CD163L1: variants seen among roughly 807,000 people sequenced by gnomAD.
The protein encoded by CD163L1 is CD163 molecule like 1.
CD163L1 carries 124 observed loss-of-function variants against 165.4 expected under a neutral mutation model. The observed-to-expected ratio is 0.75, with a 90% CI of 0.65 to 0.87. The LOEUF is 0.87. CD163L1 is among the 40% of genes least tolerant of loss of function. The probability of loss-of-function intolerance (pLI) is 0.00; values close to 1 mark genes in which losing one functional copy is unlikely to be tolerated. For missense variants in CD163L1, 1,525 were observed against 1,799.9 expected, an observed-to-expected ratio of 0.85 and a Z score of 2.76; for synonymous variants, 585 against 662.2, an observed-to-expected ratio of 0.88 and a Z score of 1.79.
At chr12:7,325,254 A>G in the CD163L1 span, among the ~76,000 whole-genome samples, 1 of 152,390 alleles carries the variant, frequency 6.6e-6, no homozygotes, top group East Asian at 1.9e-4. Context: ...AGTTACTAAA[A>G]AGGAGGAACA....
At chr12:7,391,325 G>A (rs749176941) in intron 8 of CD163L1, among the ~76,000 whole-genome samples, 13 of 152,140 alleles carry the variant, frequency 8.5e-5, no homozygotes, top group Non-Finnish European at 1.6e-4. Flanking sequence ...CCAAAGGATC[G>A]CACCTCCCCA....
downstream of CD163L1, among the ~76,000 whole-genome samples, chr12:7,354,486 G>A (rs1257199359): frequency 1.3e-5 from 2 of 152,102 alleles, no homozygotes; most frequent in Non-Finnish European, 2.9e-5. Context: ...ACACTAATTT[G>A]AACTACAAGA....
the CD163L1 span, among the ~76,000 whole-genome samples, chr12:7,336,373 C>T: frequency 6.6e-6 from 1 of 151,906 alleles, no homozygotes; most frequent in South Asian, 2.1e-4. Context: ...ATGGATGAAG[C>T]TGGAAGCCAT....
Position 7,396,572 on chromosome 12 carries a change from A to G in CD163L1, c.1730-157T>C, listed in dbSNP as rs889989359. Among the ~76,000 whole-genome samples, 5 of 152,222 alleles carry G rather than the reference A, an allele frequency of 3.3e-5. No homozygotes were observed. In the South Asian group the frequency reaches 6.2e-4, roughly 19 times the overall value. ...AGATGTGATTAACCTTTAAATTAGC[A>G]GACTTTGAGTACAGCCAATTATCCT... On this transcript the variant is annotated intron_variant, in intron 7 of 19. Coordinates refer to ENST00000313599, the MANE Select transcript of CD163L1 (RefSeq NM_174941.6).
In CD163L1 at chr12:7,406,609, A is replaced by G. The variant is rs1948019875; in HGVS notation, c.1010T>C (p.Phe337Ser). The change falls in exon 5 of 20, where the codon TTT becomes TCT. Residue 337 changes from phenylalanine (F) to serine (S), a missense_variant. Coordinates refer to ENST00000313599, the MANE Select transcript of CD163L1 (RefSeq NM_174941.6). ...TCCGGAATGTCTGCAGTCCCAAAGA[A>G]AAGATTCATTACCGGAGCAGGAGAC... ...DGVSCSGNES[F>S]LWDCRHSGTV... 1 of 1,614,068 alleles carries G rather than the reference A, an allele frequency of 6.2e-7. No individual in the cohort carries two copies.
intron 1 of CD163L1, among the ~76,000 whole-genome samples, chr12:7,442,319 G>C (rs1389740023): frequency 6.6e-6 from 1 of 152,170 alleles, no homozygotes; most frequent in African/African-American, 2.4e-5. Flanking sequence ...AGAAGGAACA[G>C]TACCCATCGG....
intron 13 of CD163L1, among the ~76,000 whole-genome samples, 164 bp from the exon 14 acceptor site, chr12:7,373,804 G>T (rs1019333214): frequency 1.3e-5 from 2 of 152,198 alleles, no homozygotes; most frequent in African/African-American, 4.8e-5. Flanking sequence ...GAAACTAAGG[G>T]TCTTGTAAGA....
At chr12:7,403,961 T>G in intron 5 of CD163L1, 106 bp from the exon 6 acceptor site, 1 of 765,924 alleles carries the variant, frequency 1.3e-6, no homozygotes, top group Non-Finnish European at 2.0e-6. Context: ...ATCCTTCACA[T>G]ACTGAGAAAA....
chr12:7,368,840 T>C lies in CD163L1; in HGVS notation c.4072+93A>G, dbSNP rs1373126741. On this transcript the variant is annotated intron_variant, in intron 16 of 19. Transcript: ENST00000313599. This position sits in a 1 kb window ranked among gnomAD's most constrained non-coding sequence, Gnocchi z 4.3. Reference sequence around the variant, plus strand: ...AGACTCATATTTCTGCAGTCCCCAGTCTTCTTTGATTATCATAGCAGTTTC... The same window carrying C: ...AGACTCATATTTCTGCAGTCCCCAGCCTTCTTTGATTATCATAGCAGTTTC... The C allele has an allele frequency of 1.4e-6, 2 of 1,391,224 alleles. No homozygotes were observed. Among genetic ancestry groups the C allele is most frequent in the African/African-American group, 2.9e-5 (2 of 70,146 alleles). The allele number at this position is 1,391,224 out of a possible 1,614,324, so 86.2% of individuals were successfully genotyped here.
rs746003177 is a variant in CD163L1 at position 7,369,473 on chromosome 12, A to G, written c.3923T>C (p.Ile1308Thr). ...TTTGCACCGCATGTCATCCAACCAG[A>G]TGGTTCCAGTTCCCTGGCCAAACGA... The part of the protein sequence containing the change: ...DASFGQGTGT[I>T]WLDDMRCKGN... Residue 1308 changes from isoleucine (I) to threonine (T), a missense_variant, in exon 15 of 20, where the codon ATC (isoleucine) becomes ACC (threonine). Transcript: ENST00000313599. The surrounding 1 kb of genome is among the most constrained non-coding windows in gnomAD (Gnocchi z 4.9). 1.9e-6 allele frequency: 3 copies of G among 1,614,036 alleles called. No individual in the cohort carries two copies. In the African/African-American group the frequency reaches 4.0e-5, roughly 22 times the overall value.
the CD163L1 span, among the ~76,000 whole-genome samples, chr12:7,322,924 C>A: frequency 6.6e-6 from 1 of 152,080 alleles, no homozygotes; most frequent in African/African-American, 2.4e-5. Context: ...GCCCTCAAAC[C>A]AAGCAACATC....
the CD163L1 span, among the ~76,000 whole-genome samples, chr12:7,319,595 A>G: frequency 6.6e-6 from 1 of 151,626 alleles, no homozygotes; most frequent in Non-Finnish European, 1.5e-5. Context: ...GTCTCAAAAA[A>G]AAAAAAAAAA....
At chr12:7,405,446 C>A (rs1228280655) in intron 5 of CD163L1, among the ~76,000 whole-genome samples, 1 of 151,858 alleles carries the variant, frequency 6.6e-6, no homozygotes, top group Non-Finnish European at 1.5e-5. Flanking sequence ...AGTGGTTGGT[C>A]CCCAGATAAA....
chr12:7,329,880 C>T, the CD163L1 span, among the ~76,000 whole-genome samples: 1 of 152,116 alleles, frequency 6.6e-6, no homozygotes, highest in East Asian at 1.9e-4. Flanking sequence ...CTAATAAAAA[C>T]AAACTATCAA....
At chr12:7,443,872 T>A (rs944384882) in intron 1 of CD163L1, among the ~76,000 whole-genome samples, 3 of 152,136 alleles carry the variant, frequency 2.0e-5, no homozygotes, top group Non-Finnish European at 4.4e-5. Flanking sequence ...TATAATACAT[T>A]TTCTGTTTAC....
the CD163L1 span, among the ~76,000 whole-genome samples, chr12:7,335,613 T>C: frequency 2.6e-5 from 4 of 151,994 alleles, no homozygotes; most frequent in South Asian, 2.1e-4. Flanking sequence ...GACTTCATGT[T>C]TAAAACACCA....
rs374348273 is a variant in CD163L1, at chr12:7,374,727, C to A, written c.3124G>T (p.Asp1042Tyr). The A allele has an allele frequency of 5.6e-6, 9 of 1,613,764 alleles. No homozygotes were observed. In the African/African-American group the frequency reaches 1.1e-4, roughly 19 times the overall value. The part of the protein sequence containing the change: ...EDKRLRLVDG[D>Y]SRCAGRVEIY... ...TCTACTCTCCCGGCACAGCGGCTGT[C>A]CCCATCCACTAGGCGGAGCCGTTTG... Residue 1042 changes from aspartate (D) to tyrosine (Y), a missense_variant, in exon 13 of 20, where the codon GAC (aspartate) becomes TAC (tyrosine). Coordinates refer to ENST00000313599, the MANE Select transcript of CD163L1 (RefSeq NM_174941.6). This position sits in a 1 kb window ranked among gnomAD's most constrained non-coding sequence, Gnocchi z 5.4.
chr12:7,439,559 T>C (rs1209952395), intron 2 of CD163L1: 1 of 1,579,620 alleles, frequency 6.3e-7, no homozygotes, highest in Non-Finnish European at 8.6e-7. Flanking sequence ...TCTTCTTTTG[T>C]CTTACTTTGC....
rs147133685 is a variant in CD163L1, at chr12:7,392,914, A to G, written c.2050+3181T>C. ...GAATAGACCAATAACTGGCTCTGAAATTGAGCCAATAATTAATAGCCTACC... is the reference window on the plus strand; with the variant it reads ...GAATAGACCAATAACTGGCTCTGAAGTTGAGCCAATAATTAATAGCCTACC... On this transcript the variant is annotated intron_variant, in intron 8 of 19. Coordinates refer to ENST00000313599, the MANE Select transcript of CD163L1 (RefSeq NM_174941.6). 1.6e-4 allele frequency among the ~76,000 whole-genome samples: 24 copies of G among 152,340 alleles called. No homozygotes were observed. In the East Asian group the frequency reaches 4.4e-3, roughly 28 times the overall value.
Sources: gnomAD v4.1 joint callset for allele counts (sites outside exome capture counted in the v4.1 genomes callset) on GRCh38, gnomAD v4.1.1 for gene constraint, Gnocchi (gnomAD v3.1) non-coding constraint, MANE v1.5 for transcripts, NCBI Gene and HGNC (gene_info 2026-07-23, HGNC 2026-07-21) for gene names.